LMF1: variants seen among roughly 807,000 people sequenced by gnomAD.
LMF1 encodes the protein transmembrane protein 112.
A neutral mutation model predicts 60.6 loss-of-function variants in LMF1; 68 were observed. That is an observed-to-expected ratio of 1.12 (90% CI 0.92 to 1.37). LMF1 has a LOEUF of 1.37. Among genes scored for constraint, LMF1 ranks in the 40% most tolerant of loss-of-function variants. LMF1 has a pLI of 0.00. For missense variants in LMF1, 948 were observed against 767.2 expected (o/e 1.24, Z -2.78); for synonymous variants, 418 against 324.7 (o/e 1.29, Z -3.09).
At chr16:892,577 G>A (rs2070521460) in intron 5 of LMF1, among the ~76,000 whole-genome samples, 1 of 152,246 alleles carries the variant, frequency 6.6e-6, no homozygotes, top group African/African-American at 2.4e-5. Flanking sequence ...CTGCCCTGTG[G>A]GACACACCTG....
Position 970,974 on chromosome 16 carries a change from G to C in LMF1, c.7C>G (p.Pro3Ala). 1 of 1,511,324 alleles carries C rather than the reference G, an allele frequency of 6.6e-7. No homozygotes were observed. Among genetic ancestry groups the C allele is most frequent in the Non-Finnish European group, 8.9e-7 (1 of 1,125,400 alleles). 93.6% of individuals were successfully genotyped at this position (1,511,324 alleles called of 1,614,324 possible). The change falls in exon 1 of 11, where the codon CCT (proline) becomes GCT (alanine). Residue 3 changes from proline to alanine, a missense_variant. Physicochemically the swap from Pro to Ala is conservative, Grantham distance 27. Coordinates refer to ENST00000262301, the MANE Select transcript of LMF1 (RefSeq NM_022773.4). ...GGCGCCGCCATTGTTGGGCTGTCAGGGCGCATGTGCGGGGAGGGCGCACTC... is the reference window on the plus strand; with the variant it reads ...GGCGCCGCCATTGTTGGGCTGTCAGCGCGCATGTGCGGGGAGGGCGCACTC... MR[P>A]DSPTMAAPAE...
In LMF1 at chr16:954,652, C is replaced by T. The variant is rs767371193; in HGVS notation, c.208G>A (p.Val70Met). The T allele has an allele frequency of 1.9e-6, 3 of 1,595,494 alleles. No individual in the cohort carries two copies. Among genetic ancestry groups the T allele is most frequent in the Admixed American group, 1.7e-5 (1 of 58,522 alleles). Residue 70 changes from valine (V) to methionine (M), a missense_variant, in exon 2 of 11, where the codon GTG (valine) becomes ATG (methionine). Transcript: ENST00000262301. ...AGCTGCTTGTTCTGATGGAAAGCCA[C>T]CAGGAATGCCACGACTGGAAGAAAA... is the stretch of plus-strand genomic sequence containing the variant. Reference protein sequence around the residue: ...LAFVYFVAFLVAFHQNKQLIG... With the variant: ...LAFVYFVAFLMAFHQNKQLIG...
rs541859405 is a variant in LMF1, at chr16:853,639, G to C, written c.*893C>G. On this transcript the variant is annotated 3_prime_UTR_variant, in exon 11 of 11. Transcript: ENST00000262301. ...TTCTTCATTTAAACAGTGTGTTTTC[G>C]AGTAAGCTGGTAAGTGGTATAATAG... 4.5e-6 allele frequency: 2 copies of C among 448,356 alleles called. No homozygotes were observed. Among genetic ancestry groups the C allele is most frequent in the African/African-American group, 2.0e-5 (1 of 50,020 alleles). The allele number at this position is 448,356 out of a possible 1,614,324, so 27.8% of individuals were successfully genotyped here.
upstream of LMF1, chr16:981,336 G>A (rs1439326330): frequency 7.5e-5 from 25 of 333,108 alleles, no homozygotes; most frequent in Non-Finnish European, 6.1e-5. Context: ...GAGAGAGAGA[G>A]AGAGAGAGAG....
intron 1 of LMF1, chr16:980,102 T>C (rs1051395447): frequency 3.6e-6 from 1 of 280,368 alleles, no homozygotes; most frequent in Non-Finnish European, 7.1e-6. Context: ...GCGCACTCCG[T>C]CTCCCCACCG....
intron 10 of LMF1, among the ~76,000 whole-genome samples, chr16:857,225 G>A (rs1004142277): frequency 1.3e-5 from 2 of 152,238 alleles, no homozygotes; most frequent in Admixed American, 1.3e-4. Context: ...GTAAACCTCT[G>A]CACGGGTTTC....
At chr16:980,112 G>A in intron 1 of LMF1, 1 of 283,586 alleles carries the variant, frequency 3.5e-6, no homozygotes. Context: ...TCTCCCCACC[G>A]CTGCTTCCTC....
intron 10 of LMF1, among the ~76,000 whole-genome samples, chr16:864,312 T>A (rs547661759): frequency 6.6e-6 from 1 of 152,236 alleles, no homozygotes. Flanking sequence ...ATACAGAGGG[T>A]CCCTAACTTA....
intron 1 of LMF1, chr16:980,150 CTCCG>C: frequency 4.5e-6 from 1 of 224,138 alleles, no homozygotes; most frequent in Admixed American, 5.2e-5. Context: ...TGAGACCGCC[CTCCG>C]GGCAGGTGAC....
In LMF1 at chr16:903,035, G is replaced by T. The variant is rs546312682; in HGVS notation, c.663+7896C>A. Among the ~76,000 whole-genome samples, 184 of 65,332 alleles carry T rather than the reference G, an allele frequency of 2.8e-3. 4 individuals are homozygous for T. Among genetic ancestry groups the T allele is most frequent in the Middle Eastern group, 9.8e-3 (1 of 102 alleles). 42.9% of individuals were successfully genotyped at this position (65,332 alleles called of 152,430 possible). ...TGGGGACGCCTGTCTCTGCTGTGTG[G>T]TGGTGACCTCTGCACTGCCTGTGGG... is the stretch of plus-strand genomic sequence containing the variant. On this transcript the variant is annotated intron_variant, in intron 4 of 10. Transcript: ENST00000262301.
chr16:880,817 G>GT (rs1396338064), intron 5 of LMF1, among the ~76,000 whole-genome samples: 24 of 152,380 alleles, frequency 1.6e-4, no homozygotes, highest in African/African-American at 5.3e-4. Flanking sequence ...CCAGGGCTGT[G>GT]TGAGTCGGTG....
intron 10 of LMF1, among the ~76,000 whole-genome samples, chr16:862,913 C>T (rs1016848594): frequency 6.6e-6 from 1 of 152,152 alleles, no homozygotes; most frequent in Non-Finnish European, 1.5e-5. Flanking sequence ...TCCTTCTCTT[C>T]TATTTTCTGG....
chr16:933,399 G>A (rs961666769), intron 3 of LMF1: 2 of 152,880 alleles, frequency 1.3e-5, no homozygotes, highest in Non-Finnish European at 2.9e-5. Flanking sequence ...ATAAAAGAAT[G>A]AAGAAAGTGA....
At chr16:856,340 G>A (rs1289995008) in intron 10 of LMF1, among the ~76,000 whole-genome samples, 4 of 152,324 alleles carry the variant, frequency 2.6e-5, no homozygotes, top group African/African-American at 9.6e-5. Flanking sequence ...CGACCTCTGA[G>A]CAGCTCAGCA....
intron 10 of LMF1, among the ~76,000 whole-genome samples, chr16:868,200 C>T (rs2069667007): frequency 6.6e-6 from 1 of 152,068 alleles, no homozygotes; most frequent in Non-Finnish European, 1.5e-5. Flanking sequence ...TGCTCTGCCC[C>T]ACCCTGGGCC....
chr16:914,155 G>A (rs1392829555), intron 3 of LMF1, among the ~76,000 whole-genome samples: 1 of 151,734 alleles, frequency 6.6e-6, no homozygotes, highest in Admixed American at 6.6e-5. Context: ...ACTGCAACCT[G>A]GGCCACCCCG....
At chr16:948,349 A>G (rs1247777048) in intron 2 of LMF1, among the ~76,000 whole-genome samples, 1 of 148,774 alleles carries the variant, frequency 6.7e-6, no homozygotes, top group African/African-American at 2.5e-5. Flanking sequence ...GTCAGAGCCA[A>G]TGACAGAGTC....
At position 912,695 on chromosome 16, in the gene LMF1, C is replaced by T. The variant is rs564072987; in HGVS notation, c.515-1616G>A. ...CCCCAGGCTCGCTGGGCCCCATCTT[C>T]CCCACGGAAGCCAGAGCCGCCTGGC... On this transcript the variant is annotated intron_variant, in intron 3 of 10. Coordinates refer to ENST00000262301, the MANE Select transcript of LMF1 (RefSeq NM_022773.4). Among the ~76,000 whole-genome samples the T allele has an allele frequency of 5.3e-5, 8 of 152,332 alleles. No homozygotes were observed. In the South Asian group the frequency reaches 1.7e-3, roughly 32 times the overall value.
rs935760944 is a variant in LMF1 at position 897,195 on chromosome 16, C to A, written c.664-4123G>T. Among the ~76,000 whole-genome samples, 18 of 152,200 alleles carry A rather than the reference C, an allele frequency of 1.2e-4. No individual in the cohort carries two copies. Among genetic ancestry groups the A allele is most frequent in the African/African-American group, 4.3e-4 (18 of 41,448 alleles). ...CTGTGTGTCCTGGGACACACTTCCC[C>A]AAATCTGCCATCTGGAAACTCGAAG... On this transcript the variant is annotated intron_variant, in intron 4 of 10. Transcript: ENST00000262301. The surrounding 1 kb of genome is among the most constrained non-coding windows in gnomAD (Gnocchi z 4.3).
Sources: allele counts gnomAD v4.1 joint callset (sites outside exome capture counted in the v4.1 genomes callset), GRCh38; gene constraint gnomAD v4.1.1; non-coding constraint Gnocchi (gnomAD v3.1); transcripts MANE v1.5; gene names NCBI Gene and HGNC (gene_info 2026-07-23, HGNC 2026-07-21).